Variants in BFSP2 observed in about 807,000 individuals in gnomAD.
BFSP2 encodes beaded filament structural protein 2.
BFSP2 carries 38 observed loss-of-function variants against 44.9 expected under a neutral mutation model. That is an observed-to-expected ratio of 0.85 (90% CI 0.65 to 1.11). BFSP2 has a LOEUF of 1.11. BFSP2 is among the 50% of genes least tolerant of loss of function. The pLI is 0.00. For synonymous variants in BFSP2, 197 were observed against 209.9 expected (o/e 0.94, Z 0.53); for missense variants, 525 against 533.0 (o/e 0.99, Z 0.15).
chr3:133,467,775 T>C (rs1031488830), intron 5 of BFSP2, among the ~76,000 whole-genome samples: 1 of 152,178 alleles, frequency 6.6e-6, no homozygotes, highest in South Asian at 2.1e-4. Context: ...TACAGCTTCG[T>C]TGGTGCAAAT....
At chr3:133,403,079 C>T (rs1023198893) in intron 1 of BFSP2, among the ~76,000 whole-genome samples, 7 of 152,268 alleles carry the variant, frequency 4.6e-5, no homozygotes, top group African/African-American at 1.2e-4. Context: ...CGTGGAGCTG[C>T]AGGAGGCCCC....
Position 133,400,071 on chromosome 3 carries a change from G to C in BFSP2, c.-13G>C. 6.2e-7 allele frequency: 1 copy of C among 1,614,162 alleles called. No homozygotes were observed. The highest frequency in any genetic ancestry group is 1.3e-5 in the African/African-American group (1 of 75,062). Reference sequence around the variant, plus strand: ...CTGTAAACCCACTGGGCACCACAGAGGCAGAAGGGGTGATGAGTGAGAGGC... The same window carrying C: ...CTGTAAACCCACTGGGCACCACAGACGCAGAAGGGGTGATGAGTGAGAGGC... On this transcript the variant is annotated 5_prime_UTR_variant, in exon 1 of 7. Transcript: ENST00000302334. This position sits in a 1 kb window ranked among gnomAD's most constrained non-coding sequence, Gnocchi z 4.0.
In BFSP2 at chr3:133,473,476, T is replaced by C. The variant is rs531081814; in HGVS notation, c.1244+911T>C. Among the ~76,000 whole-genome samples, 417 of 151,722 alleles carry C rather than the reference T, an allele frequency of 2.7e-3. 2 individuals are homozygous for C. The highest frequency in any genetic ancestry group is 4.1e-3 in the Non-Finnish European group (275 of 67,888). On this transcript the variant is annotated intron_variant, in intron 6 of 6. Transcript: ENST00000302334. ...AAAAAAAAAGGCTTTTTCTTTTTTT[T>C]TATTGATCATTCTTGGGTGTTTCTC... is the stretch of plus-strand genomic sequence containing the variant.
At chr3:133,469,330 G>A (rs554474778) in intron 5 of BFSP2, among the ~76,000 whole-genome samples, 1 of 152,350 alleles carries the variant, frequency 6.6e-6, no homozygotes, top group East Asian at 1.9e-4. Flanking sequence ...TATTCTGTCA[G>A]AGCGATCTGT....
At chr3:133,403,482 A>C (rs1219318074) in intron 1 of BFSP2, among the ~76,000 whole-genome samples, 3 of 152,014 alleles carry the variant, frequency 2.0e-5, no homozygotes, top group African/African-American at 4.8e-5. Flanking sequence ...CTGAGCCCCA[A>C]GTTGGCACCT....
At chr3:133,442,781 C>T (rs1576582437) in intron 1 of BFSP2, among the ~76,000 whole-genome samples, 1 of 151,264 alleles carries the variant, frequency 6.6e-6, no homozygotes, top group East Asian at 1.9e-4. Context: ...TCCGGGTAGA[C>T]ATTGGGGTTG....
chr3:133,435,128 G>A (rs2073768778), intron 1 of BFSP2, among the ~76,000 whole-genome samples: 1 of 152,188 alleles, frequency 6.6e-6, no homozygotes, highest in South Asian at 2.1e-4. Flanking sequence ...GGACTGTAAG[G>A]TGGACGCCTA....
At chr3:133,424,053 G>T (rs1284729343) in intron 1 of BFSP2, among the ~76,000 whole-genome samples, 17 of 148,062 alleles carry the variant, frequency 1.1e-4, no homozygotes, top group Admixed American at 3.3e-4. Flanking sequence ...TTTTTTTTGC[G>T]GGGGCGGGGG....
At chr3:133,439,565 TG>T (rs758437420) in intron 1 of BFSP2, among the ~76,000 whole-genome samples, 3 of 152,200 alleles carry the variant, frequency 2.0e-5, no homozygotes, top group Non-Finnish European at 4.4e-5. Flanking sequence ...TAGCACAGCC[TG>T]AGCCAGGGTT....
chr3:133,430,660 C>T (rs971278631), intron 1 of BFSP2, among the ~76,000 whole-genome samples: 2 of 152,128 alleles, frequency 1.3e-5, no homozygotes, highest in Non-Finnish European at 2.9e-5. Flanking sequence ...CATTCTTTTA[C>T]GCATCGGTCC....
intron 1 of BFSP2, among the ~76,000 whole-genome samples, chr3:133,411,871 A>G (rs902332234): frequency 6.6e-6 from 1 of 152,220 alleles, no homozygotes; most frequent in Non-Finnish European, 1.5e-5. Context: ...AGAGAAATCT[A>G]TACAGTAAAA....
chr3:133,402,643 C>CTTT (rs1316696114), intron 1 of BFSP2, among the ~76,000 whole-genome samples: 22 of 140,500 alleles, frequency 1.6e-4, no homozygotes, highest in African/African-American at 5.2e-4. Context: ...GTTATTATTT[C>CTTT]TTTTTTTTTT....
At chr3:133,407,172 A>G (rs1162325009) in intron 1 of BFSP2, among the ~76,000 whole-genome samples, 3 of 152,228 alleles carry the variant, frequency 2.0e-5, no homozygotes, top group Non-Finnish European at 2.9e-5. Context: ...GCTTGAGCCC[A>G]GGAGTTCAAG....
intron 4 of BFSP2, among the ~76,000 whole-genome samples, chr3:133,456,212 A>G (rs2074011546): frequency 6.6e-6 from 1 of 152,188 alleles, no homozygotes; most frequent in South Asian, 2.1e-4. Flanking sequence ...GCGGTCAGGA[A>G]CTTTATCTGA....
intron 1 of BFSP2, among the ~76,000 whole-genome samples, chr3:133,418,452 G>C (rs2073564916): frequency 6.6e-6 from 1 of 152,160 alleles, no homozygotes; most frequent in Non-Finnish European, 1.5e-5. Flanking sequence ...GAGGTCACGG[G>C]AGTTCACTGG....
At chr3:133,415,744 A>C (rs1576562332) in intron 1 of BFSP2, among the ~76,000 whole-genome samples, 2 of 84,140 alleles carry the variant, frequency 2.4e-5, no homozygotes, top group African/African-American at 4.9e-5. Flanking sequence ...GCACCCTGCC[A>C]TCTCCCCTCT....
intron 4 of BFSP2, among the ~76,000 whole-genome samples, chr3:133,452,746 T>C (rs1217208153): frequency 1.3e-5 from 2 of 152,212 alleles, no homozygotes; most frequent in African/African-American, 4.8e-5. Context: ...GTTTCTCCCC[T>C]GGCTCTGCTT....
chr3:133,428,657 GA>G (rs142076973), intron 1 of BFSP2, among the ~76,000 whole-genome samples: 13,455 of 152,276 alleles, frequency 0.088, 669 homozygotes, highest in Middle Eastern at 0.18. Context: ...CTTGTCAGAG[GA>G]AAGTCGGGGA....
At chr3:133,425,937 A>T (rs867636639) in intron 1 of BFSP2, among the ~76,000 whole-genome samples, 7 of 3,980 alleles carry the variant, frequency 1.8e-3, no homozygotes, top group African/African-American at 3.1e-3. Flanking sequence ...TAGGGAAGGC[A>T]AGGGAAGGGA....
Sources: allele counts gnomAD v4.1 joint callset (sites outside exome capture counted in the v4.1 genomes callset), GRCh38; gene constraint gnomAD v4.1.1; non-coding constraint Gnocchi (gnomAD v3.1); transcripts MANE v1.5; gene names NCBI Gene and HGNC (gene_info 2026-07-23, HGNC 2026-07-21).